The following IQUB variants were observed in gnomAD, a reference collection of about 807,000 sequenced individuals.
The protein encoded by IQUB is IQ motif and ubiquitin-like domain-containing protein.
Under a neutral mutation model 86.4 loss-of-function variants are expected in IQUB, and 86 were observed. The ratio of observed to expected loss-of-function variants is 1.00; its 90% CI spans 0.84 to 1.19. IQUB has a LOEUF of 1.19. Ranked by LOEUF, IQUB falls within the 50% of genes most tolerant of loss-of-function variation. The pLI is 0.00. For missense variants in IQUB, 946 were observed against 916.9 expected, an observed-to-expected ratio of 1.03 and a Z score of -0.41; for synonymous variants, 289 against 304.5, an observed-to-expected ratio of 0.95 and a Z score of 0.53.
In IQUB at chr7:123,464,942, CTCA is replaced by C; in HGVS notation, c.1646_1648del (p.Met549del). 2 of 1,601,004 alleles carry C rather than the reference CTCA, an allele frequency of 1.2e-6. No individual in the cohort carries two copies. Among genetic ancestry groups the C allele is most frequent in the Non-Finnish European group, 1.7e-6 (2 of 1,171,648 alleles). Reference sequence around the variant, plus strand: ...TTCAAGGTTATGATGTTTGACTCCTCTCATCATAAGGTCAACCTCTCTGTCAAT... The same window carrying C: ...TTCAAGGTTATGATGTTTGACTCCTCTCATAAGGTCAACCTCTCTGTCAAT... On this transcript the variant is annotated inframe_deletion, in exon 10 of 13. Transcript: ENST00000324698.
chr7:123,511,798 A>G (rs1207166534), intron 2 of IQUB, 146 bp downstream of exon 2: 10 of 570,086 alleles, frequency 1.8e-5, no homozygotes, highest in South Asian at 3.1e-5. Flanking sequence ...GATTCAAGCT[A>G]TGTAACTCTG....
chr7:123,463,023 TC>T (rs1794073896), intron 10 of IQUB, among the ~76,000 whole-genome samples: 1 of 151,698 alleles, frequency 6.6e-6, no homozygotes, highest in Non-Finnish European at 1.5e-5. Flanking sequence ...AATGAGCCAT[TC>T]CTTTTTAAAG....
At chr7:123,503,417 A>G (rs1218554812) in intron 3 of IQUB, 54 bp from the exon 4 acceptor site, 1 of 928,088 alleles carries the variant, frequency 1.1e-6, no homozygotes, top group Non-Finnish European at 1.6e-6. Context: ...ATGGCTATTC[A>G]TTGATCTTAT....
chr7:123,514,513 T>C (rs1796558836), intron 1 of IQUB, among the ~76,000 whole-genome samples: 1 of 152,262 alleles, frequency 6.6e-6, no homozygotes, highest in South Asian at 2.1e-4. Context: ...TGATAGTAAA[T>C]TGAAATATTA....
chr7:123,468,979 A>G (rs1457765078), intron 9 of IQUB, among the ~76,000 whole-genome samples: 3 of 152,224 alleles, frequency 2.0e-5, no homozygotes, highest in Admixed American at 6.5e-5. Flanking sequence ...ATCTCATGCT[A>G]TACTGCATAT....
chr7:123,473,873 C>T (rs1794645999), intron 8 of IQUB, among the ~76,000 whole-genome samples: 2 of 152,058 alleles, frequency 1.3e-5, no homozygotes, highest in Non-Finnish European at 2.9e-5. Context: ...GCGTGAGCCA[C>T]CATGCCCAGC....
chr7:123,462,953 TTG>T, intron 10 of IQUB: 1 of 370,010 alleles, frequency 2.7e-6, no homozygotes, highest in Non-Finnish European at 5.5e-6. Context: ...CAAAAAGTGG[TTG>T]TGGGGGTAGT....
At position 123,527,188 on chromosome 7, in the gene IQUB, T is replaced by G. The variant is rs559787745; in HGVS notation, c.-5+7304A>C. On this transcript the variant is annotated intron_variant, in intron 1 of 12. Transcript: ENST00000324698. ...CATCAGCTCCTTTAAGCACTTTTCT[T>G]TATTGGTTATTGTAGTTATACATTC... is the stretch of plus-strand genomic sequence containing the variant. Among the ~76,000 whole-genome samples, 426 of 152,282 alleles carry G rather than the reference T, an allele frequency of 2.8e-3. 1 individual carries two copies. Among genetic ancestry groups the G allele is most frequent in the African/African-American group, 9.7e-3 (403 of 41,552 alleles).
In IQUB at chr7:123,457,526, G is replaced by A. The variant is rs1303731416; in HGVS notation, c.2048C>T (p.Ser683Phe). 6.2e-7 allele frequency: 1 copy of A among 1,608,996 alleles called. No individual in the cohort carries two copies. Among genetic ancestry groups the A allele is most frequent in the East Asian group, 2.2e-5 (1 of 44,648 alleles). ...IQYLTENIWA[S>F]QSVLSACDNL... ...GTCGCAAGCACTGAGGACTGACTGG[G>A]ACGCCCAGATGTTCTCTGTCAGGTA... The change falls in exon 12 of 13, where the codon TCC becomes TTC. Residue 683 changes from serine to phenylalanine, a missense_variant. By Grantham distance (155) the Ser-to-Phe change is radical. Transcript: ENST00000324698.
chr7:123,465,715 T>C (rs1279429316), intron 9 of IQUB, among the ~76,000 whole-genome samples: 2 of 152,034 alleles, frequency 1.3e-5, no homozygotes, highest in African/African-American at 4.8e-5. Flanking sequence ...AAAATAATGC[T>C]CTTCCGTACT....
chr7:123,503,816 T>C (rs981529449), intron 3 of IQUB, among the ~76,000 whole-genome samples: 2 of 152,034 alleles, frequency 1.3e-5, no homozygotes, highest in Admixed American at 1.3e-4. Context: ...GCTCTGATGT[T>C]AGTACAAAAA....
intron 5 of IQUB, 72 bp downstream of exon 5, chr7:123,502,872 T>G: frequency 7.0e-7 from 1 of 1,431,444 alleles, no homozygotes; most frequent in Non-Finnish European, 9.5e-7. Flanking sequence ...TAAGAGAAAT[T>G]TGAGAGAGTC....
chr7:123,461,728 A>G (rs1563428529), intron 10 of IQUB, 123 bp from the exon 11 acceptor site: 3 of 867,538 alleles, frequency 3.5e-6, no homozygotes, highest in East Asian at 5.8e-5. Context: ...TAAAAAAAAA[A>G]GTTGGCTAAT....
chr7:123,478,467 T>C (rs1794846250), intron 8 of IQUB, among the ~76,000 whole-genome samples: 1 of 152,032 alleles, frequency 6.6e-6, no homozygotes, highest in Non-Finnish European at 1.5e-5. Flanking sequence ...AAATACCTAA[T>C]GTAGATGATG....
At chr7:123,524,684 G>C (rs1248944209) in intron 1 of IQUB, among the ~76,000 whole-genome samples, 71 of 150,818 alleles carry the variant, frequency 4.7e-4, no homozygotes, top group African/African-American at 1.2e-3. Flanking sequence ...TAATTGAATA[G>C]CCTTTATTTC....
rs552994159 is a variant in IQUB, at chr7:123,484,244, T to G, written c.1235-4274A>C. Among the ~76,000 whole-genome samples, 19 of 152,042 alleles carry G rather than the reference T, an allele frequency of 1.2e-4. No homozygotes were observed. The South Asian group carries it at 3.9e-3, about 31-fold the overall frequency. On this transcript the variant is annotated intron_variant, in intron 7 of 12. Coordinates refer to ENST00000324698, the MANE Select transcript of IQUB (RefSeq NM_178827.5). ...TATGTTTAGCAAAAAGATTGTAAAT[T>G]TAAGAGCTAAATTATGTTATGAAAG...
At chr7:123,528,622 T>C (rs1296018205) in intron 1 of IQUB, among the ~76,000 whole-genome samples, 2 of 152,208 alleles carry the variant, frequency 1.3e-5, no homozygotes. Flanking sequence ...GGGGTCCTGG[T>C]GATGAAGAAA....
At chr7:123,493,605 A>G (rs1795569104) in intron 7 of IQUB, among the ~76,000 whole-genome samples, 1 of 152,126 alleles carries the variant, frequency 6.6e-6, no homozygotes. Context: ...ATACTCTTTC[A>G]TAGGAGTTTA....
intron 12 of IQUB, among the ~76,000 whole-genome samples, chr7:123,455,406 C>T (rs1584538618): frequency 2.0e-5 from 3 of 152,186 alleles, no homozygotes; most frequent in East Asian, 3.9e-4. Context: ...TTACTTTCTA[C>T]ATTACATTTT....
Sources: gnomAD v4.1 joint callset for allele counts (sites outside exome capture counted in the v4.1 genomes callset) on GRCh38, gnomAD v4.1.1 for gene constraint, MANE v1.5 for transcripts, NCBI Gene and HGNC (gene_info 2026-07-23, HGNC 2026-07-21) for gene names.